Variants in STK35 observed in about 807,000 individuals in gnomAD.
STK35 encodes serine/threonine-protein kinase 35.
A neutral mutation model predicts 37.3 loss-of-function variants in STK35; 17 were observed. The observed-to-expected ratio is 0.46, with a 90% CI of 0.31 to 0.68. STK35 has a LOEUF of 0.68. Ranked by LOEUF, STK35 falls within the 30% of genes least tolerant of loss-of-function variation. The probability of loss-of-function intolerance (pLI) is 0.05; values close to 1 mark genes in which losing one functional copy is unlikely to be tolerated. For synonymous variants in STK35, 385 were observed against 319.1 expected, an observed-to-expected ratio of 1.21 and a Z score of -2.20; for missense variants, 595 against 746.7, an observed-to-expected ratio of 0.80 and a Z score of 2.37.
intron 3 of STK35, among the ~76,000 whole-genome samples, chr20:2,133,021 G>A (rs556657903): frequency 1.2e-4 from 19 of 152,308 alleles, no homozygotes; most frequent in African/African-American, 3.6e-4. Context: ...CTAATCACAC[G>A]TTTTCACTTT....
intron 2 of STK35, among the ~76,000 whole-genome samples, chr20:2,104,159 G>T (rs534529806): frequency 6.6e-6 from 1 of 152,164 alleles, no homozygotes; most frequent in Non-Finnish European, 1.5e-5. Flanking sequence ...TAGTTTCCGG[G>T]TTTTAACTGC....
At chr20:2,113,946 G>T (rs538396737) in intron 2 of STK35, among the ~76,000 whole-genome samples, 90 of 152,096 alleles carry the variant, frequency 5.9e-4, no homozygotes, top group Non-Finnish European at 1.1e-3. Flanking sequence ...GTCTCCCTGT[G>T]TTTTCCTTGA....
intron 3 of STK35, among the ~76,000 whole-genome samples, chr20:2,134,674 T>C (rs989358873): frequency 2.0e-5 from 3 of 152,104 alleles, no homozygotes; most frequent in Non-Finnish European, 4.4e-5. Context: ...GCAAATCACC[T>C]GAGGTAAGGA....
rs771028400 is a variant in STK35 at position 2,103,136 on chromosome 20, C to T, written c.663C>T (p.Ala221=). 4.5e-5 allele frequency: 72 copies of T among 1,604,322 alleles called. 1 individual carries two copies. The South Asian group carries it at 6.5e-4, about 14-fold the overall frequency. ...GSYGVVYEAV[A]GRSGARVAVK... ...ACGGCGTGGTTTATGAGGCAGTGGCCGGGCGCAGCGGGGCCCGGGTGGCGG... is the reference window on the plus strand; with the variant it reads ...ACGGCGTGGTTTATGAGGCAGTGGCTGGGCGCAGCGGGGCCCGGGTGGCGG... Residue 221 remains alanine, a synonymous_variant, in exon 2 of 4, where the codon GCC becomes GCT. Transcript: ENST00000381482.
Position 2,115,718 on chromosome 20 carries a change from C to G in STK35, c.893-948C>G, listed in dbSNP as rs149838839. On this transcript the variant is annotated intron_variant, in intron 2 of 3. Transcript: ENST00000381482. ...TCTTGTACATCGACTTTAGACTCCA[C>G]TGTTCCCACCAGACTTCCAATTTAC... Among the ~76,000 whole-genome samples the G allele has an allele frequency of 4.1e-3, 628 of 152,344 alleles. 3 individuals carry two copies. Among genetic ancestry groups the G allele is most frequent in the African/African-American group, 0.014 (592 of 41,572 alleles).
intron 2 of STK35, among the ~76,000 whole-genome samples, chr20:2,112,915 A>G (rs1985647107): frequency 6.6e-6 from 1 of 152,170 alleles, no homozygotes. Flanking sequence ...ACTGAATTTC[A>G]TGTGGGGATT....
Position 2,105,315 on chromosome 20 carries a change from G to C in STK35, c.892+1950G>C, listed in dbSNP as rs148998983. On this transcript the variant is annotated intron_variant, in intron 2 of 3. Transcript: ENST00000381482. ...GACTTCCTACTACAGGATTGCCTTG[G>C]GATGTAGGAATTTGCCTTGCCGAAT... Among the ~76,000 whole-genome samples, 777 of 152,292 alleles carry C rather than the reference G, an allele frequency of 5.1e-3. 4 individuals carry two copies. Among genetic ancestry groups the C allele is most frequent in the African/African-American group, 0.018 (733 of 41,560 alleles).
At chr20:2,141,411 G>A (rs950120361) in intron 3 of STK35, among the ~76,000 whole-genome samples, 4 of 151,972 alleles carry the variant, frequency 2.6e-5, no homozygotes, top group Admixed American at 6.5e-5. Context: ...TTGGTCACCC[G>A]CTCCCTGGGC....
chr20:2,115,899 C>G (rs1214529742), intron 2 of STK35, among the ~76,000 whole-genome samples: 1 of 152,134 alleles, frequency 6.6e-6, no homozygotes, highest in Non-Finnish European at 1.5e-5. Context: ...ACTCCTGCCC[C>G]CCCCTTCACT....
In STK35 at chr20:2,110,774, G is replaced by T. The variant is rs561503891; in HGVS notation, c.893-5892G>T. Among the ~76,000 whole-genome samples, 3 of 152,308 alleles carry T rather than the reference G, an allele frequency of 2.0e-5. No homozygotes were observed. The East Asian group carries it at 5.8e-4, about 29-fold the overall frequency. ...GTTGTGTGGTTGGACCATCACGAGG[G>T]ACTGGATGAACATTAAACTCTGGGG... is the stretch of plus-strand genomic sequence containing the variant. On this transcript the variant is annotated intron_variant, in intron 2 of 3. Transcript: ENST00000381482.
intron 3 of STK35, among the ~76,000 whole-genome samples, chr20:2,126,545 T>C (rs1985909953): frequency 6.6e-6 from 1 of 152,144 alleles, no homozygotes; most frequent in Non-Finnish European, 1.5e-5. Flanking sequence ...AATTCCCAAC[T>C]GGAGATACAC....
intron 2 of STK35, among the ~76,000 whole-genome samples, chr20:2,109,189 G>A (rs560255187): frequency 6.6e-6 from 1 of 152,294 alleles, no homozygotes; most frequent in South Asian, 2.1e-4. Flanking sequence ...GGTGCTCTGG[G>A]TGAATCAGCT....
rs543849603 is a variant in STK35, at chr20:2,147,108, A to T, written c.*3362A>T. The T allele has an allele frequency of 1.3e-5, 2 of 152,716 alleles. No individual in the cohort carries two copies. The highest frequency in any genetic ancestry group is 2.1e-4 in the South Asian group (1 of 4,822). The allele number at this position is 152,716 out of a possible 1,614,324, so 9.5% of individuals were successfully genotyped here. A position where few individuals can be genotyped will look rare whatever the true frequency, so the allele number is the denominator to read the frequency against. On this transcript the variant is annotated 3_prime_UTR_variant, in exon 4 of 4. Coordinates refer to ENST00000381482, the MANE Select transcript of STK35 (RefSeq NM_080836.4). ...ACACCCAACACTGAGTGGAGATTTGACTCTGGACAGGGCCTGGCCTCCTTA... is the reference window on the plus strand; with the variant it reads ...ACACCCAACACTGAGTGGAGATTTGTCTCTGGACAGGGCCTGGCCTCCTTA...
At chr20:2,116,177 T>A (rs975303446) in intron 2 of STK35, among the ~76,000 whole-genome samples, 9 of 152,118 alleles carry the variant, frequency 5.9e-5, no homozygotes, top group African/African-American at 2.2e-4. Context: ...TGTAGGAGTG[T>A]GCCTCTGAAA....
chr20:2,136,261 G>A (rs569778880), intron 3 of STK35, among the ~76,000 whole-genome samples: 1 of 152,354 alleles, frequency 6.6e-6, no homozygotes, highest in African/African-American at 2.4e-5. Flanking sequence ...GTAGCAGAGA[G>A]AGCTGAAATC....
chr20:2,102,631 C>T (rs1600594679), intron 1 of STK35, 137 bp from the exon 2 acceptor site: 2 of 759,782 alleles, frequency 2.6e-6, no homozygotes, highest in East Asian at 6.8e-5. Flanking sequence ...CTCCCCTCCC[C>T]CGTTCAATCA....
intron 2 of STK35, among the ~76,000 whole-genome samples, chr20:2,115,630 A>T (rs1985701134): frequency 6.6e-6 from 1 of 152,162 alleles, no homozygotes. Context: ...GAACATTGAG[A>T]TTTGCTTGGA....
Position 2,117,432 on chromosome 20 carries a change from G to GT in STK35, c.*37+19dup, listed in dbSNP as rs1985735840. On this transcript the variant is annotated intron_variant, in intron 3 of 3. Coordinates refer to ENST00000381482, the MANE Select transcript of STK35 (RefSeq NM_080836.4). This position sits in a 1 kb window ranked among gnomAD's most constrained non-coding sequence, Gnocchi z 4.4. Reference sequence around the variant, plus strand: ...TTAAACTAGGTGAGTGCTCTCTGTTGTTGTTTTTTGTTTTTTGTTTTGAGA... The same window carrying GT: ...TTAAACTAGGTGAGTGCTCTCTGTTGTTTGTTTTTTGTTTTTTGTTTTGAGA... 12 of 1,442,768 alleles carry GT rather than the reference G, an allele frequency of 8.3e-6. No homozygotes were observed. The African/African-American group carries it at 1.0e-4, about 12-fold the overall frequency. 89.4% of individuals were successfully genotyped at this position (1,442,768 alleles called of 1,614,324 possible).
intron 2 of STK35, among the ~76,000 whole-genome samples, chr20:2,107,363 T>G (rs1277071882): frequency 6.6e-6 from 1 of 152,248 alleles, no homozygotes; most frequent in Admixed American, 6.5e-5. Context: ...CTCAACTTGA[T>G]AAGACACTAA....
Sources: allele counts gnomAD v4.1 joint callset (sites outside exome capture counted in the v4.1 genomes callset), GRCh38; gene constraint gnomAD v4.1.1; non-coding constraint Gnocchi (gnomAD v3.1); transcripts MANE v1.5; gene names NCBI Gene and HGNC (gene_info 2026-07-23, HGNC 2026-07-21).